The following PUM1 variants were observed in gnomAD, a reference collection of about 807,000 sequenced individuals.
PUM1 encodes pumilio RNA binding family member 1, also known as pumilio homolog 1.
Under a neutral mutation model 131.8 loss-of-function variants are expected in PUM1, and 13 were observed. The ratio of observed to expected loss-of-function variants is 0.10; its 90% CI spans 0.06 to 0.16. The LOEUF is 0.16. Among genes scored for constraint, PUM1 ranks in the 10% least tolerant of loss-of-function variants. The pLI is 1.00. For missense variants in PUM1, 961 were observed against 1,512.4 expected, an observed-to-expected ratio of 0.64 and a Z score of 6.05; for synonymous variants, 509 against 556.5, an observed-to-expected ratio of 0.91 and a Z score of 1.20.
chr1:30,979,551 C>G (rs1346275982), intron 9 of PUM1, among the ~76,000 whole-genome samples: 1 of 151,780 alleles, frequency 6.6e-6, no homozygotes, highest in Non-Finnish European at 1.5e-5. Flanking sequence ...TTGTAATGAT[C>G]AGCCATGTTT....
At chr1:31,064,913 C>T (rs2124043474) in intron 1 of PUM1, among the ~76,000 whole-genome samples, 1 of 152,126 alleles carries the variant, frequency 6.6e-6, no homozygotes, top group South Asian at 2.1e-4. Flanking sequence ...TCTAGATTTT[C>T]CTACTAGCAA....
At chr1:30,940,319 A>T (rs1368678677) in intron 20 of PUM1, among the ~76,000 whole-genome samples, 1 of 151,932 alleles carries the variant, frequency 6.6e-6, no homozygotes. Context: ...CTACAAAAAT[A>T]AAAAAAAGTA....
intron 15 of PUM1, among the ~76,000 whole-genome samples, chr1:30,952,978 A>AAAAACAAAACAAAAC (rs370476677): frequency 6.6e-6 from 1 of 151,310 alleles, no homozygotes; most frequent in Non-Finnish European, 1.5e-5. Context: ...TCTGTCTCAA[A>AAAAACAAAACAAAAC]AAAACAAAAC....
At chr1:31,017,639 T>C (rs1282108784) in intron 3 of PUM1, among the ~76,000 whole-genome samples, 3 of 151,994 alleles carry the variant, frequency 2.0e-5, no homozygotes, top group Non-Finnish European at 4.4e-5. Flanking sequence ...AACCCTGATT[T>C]AGAGTGAGTG....
At chr1:31,065,514 C>T (rs1644464569) in intron 1 of PUM1, 102 bp downstream of exon 1, 6 of 1,367,000 alleles carry the variant, frequency 4.4e-6, no homozygotes, top group Admixed American at 5.6e-5. Flanking sequence ...TTCCAAAGCC[C>T]TTCTCACCCC....
intron 3 of PUM1, among the ~76,000 whole-genome samples, chr1:31,018,311 T>G (rs900226223): frequency 8.1e-5 from 12 of 147,908 alleles, no homozygotes; most frequent in Non-Finnish European, 1.8e-4. Context: ...ATCTCGCCAC[T>G]GCACTCAAGC....
At chr1:30,956,030 A>G (rs1640150875) in intron 14 of PUM1, among the ~76,000 whole-genome samples, 1 of 152,224 alleles carries the variant, frequency 6.6e-6, no homozygotes, top group African/African-American at 2.4e-5. Context: ...AAAGATACAA[A>G]ACCCAAAATT....
rs116992433 is a variant in PUM1, at chr1:30,941,922, A to G, written c.3120+76T>C. 7,212 of 1,371,370 alleles carry G rather than the reference A, an allele frequency of 5.3e-3. 51 individuals carry two copies. The highest frequency in any genetic ancestry group is 0.031 in the East Asian group (939 of 30,612). 85.0% of individuals were successfully genotyped at this position (1,371,370 alleles called of 1,614,324 possible). A position where few individuals can be genotyped will look rare whatever the true frequency, so the allele number is the denominator to read the frequency against. ...CACATTAACCTCTTCTGGAACCTAC[A>G]CTGACAAAACACACAAACTCTGGCC... On this transcript the variant is annotated intron_variant, in intron 19 of 21. Transcript: ENST00000426105.
Position 31,065,118 on chromosome 1 carries a change from C to T in PUM1, c.-12+498G>A, listed in dbSNP as rs918143631. On this transcript the variant is annotated intron_variant, in intron 1 of 21. Coordinates refer to ENST00000426105, the MANE Select transcript of PUM1 (RefSeq NM_001020658.2). The stretch of plus-strand genomic sequence containing the variant: ...AAAGTTCCCCCACGGTGAATCTCGC[C>T]TGTGGACAAGGGCCACGGCTGCTTC... Among the ~76,000 whole-genome samples the T allele has an allele frequency of 3.3e-5, 5 of 152,320 alleles. No homozygotes were observed. The East Asian group carries it at 9.6e-4, about 29-fold the overall frequency.
rs967694846 is a variant in PUM1, at chr1:30,989,465, G to A, written c.1158+2925C>T. Reference sequence around the variant, plus strand: ...TGGGTGTCTGTAGTCCCAGCTACTCGGGAGGCTGAGGCAGGAGAATCGCTT... The same window carrying A: ...TGGGTGTCTGTAGTCCCAGCTACTCAGGAGGCTGAGGCAGGAGAATCGCTT... On this transcript the variant is annotated intron_variant, in intron 7 of 21. Transcript: ENST00000426105. Among the ~76,000 whole-genome samples the A allele has an allele frequency of 2.6e-5, 4 of 151,018 alleles. No individual in the cohort carries two copies. In the South Asian group the frequency reaches 8.3e-4, roughly 32 times the overall value.
chr1:30,933,936 G>A (rs892444936), intron 21 of PUM1, among the ~76,000 whole-genome samples: 1 of 152,240 alleles, frequency 6.6e-6, no homozygotes, highest in Non-Finnish European at 1.5e-5. Context: ...AAGGCACAGA[G>A]TAGTTAAGTC....
intron 7 of PUM1, among the ~76,000 whole-genome samples, chr1:30,985,698 C>T (rs567881912): frequency 6.6e-6 from 1 of 150,516 alleles, no homozygotes; most frequent in Non-Finnish European, 1.5e-5. Context: ...ACCAGGACCA[C>T]CAGCTGCTAT....
At chr1:30,976,509 T>C (rs555546455) in intron 9 of PUM1, among the ~76,000 whole-genome samples, 72 of 152,352 alleles carry the variant, frequency 4.7e-4, no homozygotes, top group South Asian at 1.4e-3. Flanking sequence ...CATAATTCAT[T>C]AAGCCAAAAT....
intron 2 of PUM1, among the ~76,000 whole-genome samples, chr1:31,057,197 G>A (rs1644260303): frequency 6.6e-6 from 1 of 151,850 alleles, no homozygotes; most frequent in Non-Finnish European, 1.5e-5. Context: ...GTGAGCCTGG[G>A]CTCAAAGTAG....
chr1:31,041,515 T>A (rs1643813514), intron 2 of PUM1, among the ~76,000 whole-genome samples: 1 of 152,076 alleles, frequency 6.6e-6, no homozygotes, highest in African/African-American at 2.4e-5. Context: ...AGGTTGGAGG[T>A]GAACCTAGTG....
intron 9 of PUM1, among the ~76,000 whole-genome samples, chr1:30,977,910 C>A (rs536989332): frequency 1.3e-5 from 2 of 152,082 alleles, no homozygotes; most frequent in Non-Finnish European, 2.9e-5. Flanking sequence ...TGGTTCAAAC[C>A]CCAACTCTAC....
At chr1:30,991,951 CTT>C (rs1641809084) in intron 7 of PUM1, among the ~76,000 whole-genome samples, 1 of 152,208 alleles carries the variant, frequency 6.6e-6, no homozygotes, top group Non-Finnish European at 1.5e-5. Flanking sequence ...TCTGGAGTAA[CTT>C]GTTTAACTGT....
chr1:31,027,137 C>A (rs1470375233), intron 3 of PUM1, among the ~76,000 whole-genome samples: 4 of 152,062 alleles, frequency 2.6e-5, no homozygotes, highest in African/African-American at 9.7e-5. Context: ...TATCTTGTAT[C>A]ATTAATTTTT....
At chr1:30,944,943 A>G (rs1342498597) in intron 18 of PUM1, among the ~76,000 whole-genome samples, 32 of 152,248 alleles carry the variant, frequency 2.1e-4, no homozygotes, top group Admixed American at 2.1e-3. Context: ...AGTCTAAAGT[A>G]CATTAAGATC....
Sources: allele counts gnomAD v4.1 joint callset (sites outside exome capture counted in the v4.1 genomes callset), GRCh38; gene constraint gnomAD v4.1.1; transcripts MANE v1.5; gene names NCBI Gene and HGNC (gene_info 2026-07-23, HGNC 2026-07-21).